Variants in LINGO2 observed in about 807,000 individuals in gnomAD.
The protein encoded by LINGO2 is leucine-rich repeat and immunoglobulin-like domain-containing nogo receptor-interacting protein 2.
A neutral mutation model predicts 30.6 loss-of-function variants in LINGO2; 14 were observed. The ratio of observed to expected loss-of-function variants is 0.46; its 90% CI spans 0.30 to 0.72. The LOEUF (loss-of-function observed/expected upper bound fraction) is 0.72. LINGO2 is among the 30% of genes least tolerant of loss of function. The probability of loss-of-function intolerance (pLI) is 0.07; values close to 1 mark genes in which losing one functional copy is unlikely to be tolerated. For synonymous variants in LINGO2, 317 were observed against 288.5 expected, an observed-to-expected ratio of 1.10 and a Z score of -1.00; for missense variants, 729 against 751.7, an observed-to-expected ratio of 0.97 and a Z score of 0.35.
At chr9:28,303,465 C>G (rs931179759) in intron 3 of LINGO2, among the ~76,000 whole-genome samples, 1 of 152,004 alleles carries the variant, frequency 6.6e-6, no homozygotes, top group African/African-American at 2.4e-5. Context: ...AAATTGACCC[C>G]TGAACAACAT....
chr9:28,163,115 GA>G (rs1344698890), intron 4 of LINGO2, among the ~76,000 whole-genome samples: 4 of 152,102 alleles, frequency 2.6e-5, no homozygotes, highest in Non-Finnish European at 4.4e-5. Flanking sequence ...TTGTGTTTTG[GA>G]AAACAACTCC....
chr9:28,072,987 C>T (rs1000257012), intron 4 of LINGO2, among the ~76,000 whole-genome samples: 3 of 152,004 alleles, frequency 2.0e-5, no homozygotes, highest in African/African-American at 4.8e-5. Flanking sequence ...TCCGCTTAAG[C>T]TCCCTTGGTC....
chr9:28,710,846 T>C, the LINGO2 span, among the ~76,000 whole-genome samples: 1 of 152,140 alleles, frequency 6.6e-6, no homozygotes, highest in Non-Finnish European at 1.5e-5. Context: ...TTTTACTCAA[T>C]ACTGTGAATA....
intron 5 of LINGO2, among the ~76,000 whole-genome samples, chr9:27,979,366 T>A (rs1222291975): frequency 6.6e-6 from 1 of 151,914 alleles, no homozygotes; most frequent in Non-Finnish European, 1.5e-5. Flanking sequence ...GGAAGAAAAT[T>A]CAGTTAAAAG....
At chr9:28,546,050 T>C (rs1212544251) in intron 1 of LINGO2, among the ~76,000 whole-genome samples, 1 of 152,064 alleles carries the variant, frequency 6.6e-6, no homozygotes, top group African/African-American at 2.4e-5. Flanking sequence ...GAAAGACAAA[T>C]ACTTCATGAT....
At chr9:28,270,533 T>A (rs1415567643) in intron 4 of LINGO2, among the ~76,000 whole-genome samples, 1 of 151,998 alleles carries the variant, frequency 6.6e-6, no homozygotes, top group Non-Finnish European at 1.5e-5. Flanking sequence ...AAAACCCACA[T>A]TTTCAAAATA....
At chr9:28,417,884 G>C (rs1823030305) in intron 2 of LINGO2, among the ~76,000 whole-genome samples, 1 of 152,152 alleles carries the variant, frequency 6.6e-6, no homozygotes. Context: ...CAAAAGGTAG[G>C]TTCTGAATGG....
chr9:29,175,744 C>A, the LINGO2 span, among the ~76,000 whole-genome samples: 1 of 151,978 alleles, frequency 6.6e-6, no homozygotes, highest in Non-Finnish European at 1.5e-5. Context: ...CCAGGATGGT[C>A]TCGATCTCCT....
the LINGO2 span, among the ~76,000 whole-genome samples, chr9:28,791,446 T>C: frequency 2.7e-4 from 41 of 152,102 alleles, no homozygotes; most frequent in Admixed American, 2.7e-3. Flanking sequence ...GGTCAAACAA[T>C]TAGTAAACGA....
At chr9:28,020,819 G>T (rs767972135) in intron 4 of LINGO2, among the ~76,000 whole-genome samples, 3 of 152,124 alleles carry the variant, frequency 2.0e-5, no homozygotes, top group Admixed American at 1.3e-4. Flanking sequence ...CAAAATTGCA[G>T]GAATAGTTGC....
intron 4 of LINGO2, among the ~76,000 whole-genome samples, chr9:28,189,273 AAGGGAGGG>A (rs1412279132): frequency 1.5e-4 from 7 of 46,670 alleles, no homozygotes; most frequent in Admixed American, 5.1e-4. Context: ...GGGAGGGAGG[AAGGGAGGG>A]AGGGAGGGAG....
chr9:28,927,485 G>A, the LINGO2 span, among the ~76,000 whole-genome samples: 40 of 152,274 alleles, frequency 2.6e-4, no homozygotes, highest in Non-Finnish European at 4.1e-4. Flanking sequence ...AAAAGAGAAG[G>A]ATTTAAATAA....
chr9:28,006,055 G>T (rs2119194461), intron 5 of LINGO2, among the ~76,000 whole-genome samples: 1 of 152,122 alleles, frequency 6.6e-6, no homozygotes, highest in East Asian at 1.9e-4. Flanking sequence ...GAATGATAAG[G>T]TCTAGGCCTA....
the LINGO2 span, among the ~76,000 whole-genome samples, chr9:28,780,215 G>A: frequency 1.3e-5 from 2 of 152,132 alleles, no homozygotes; most frequent in Non-Finnish European, 2.9e-5. Flanking sequence ...CAAGAAACTT[G>A]GTAGCTTCCC....
chr9:28,189,008 A>G (rs1308080461), intron 4 of LINGO2, among the ~76,000 whole-genome samples: 1 of 152,124 alleles, frequency 6.6e-6, no homozygotes, highest in Non-Finnish European at 1.5e-5. Flanking sequence ...CTAAAAGTTT[A>G]CATCAATTAA....
At chr9:28,824,023 A>C in the LINGO2 span, among the ~76,000 whole-genome samples, 1 of 152,240 alleles carries the variant, frequency 6.6e-6, no homozygotes, top group Non-Finnish European at 1.5e-5. Flanking sequence ...AGTTGGTATC[A>C]CATGGAACAG....
intron 5 of LINGO2, among the ~76,000 whole-genome samples, chr9:27,989,703 G>A (rs139587739): frequency 7.7e-4 from 117 of 152,064 alleles, no homozygotes; most frequent in African/African-American, 2.4e-3. Context: ...GTTAAACACC[G>A]TGCTACACAC....
chr9:29,152,295 C>T, the LINGO2 span, among the ~76,000 whole-genome samples: 126 of 152,260 alleles, frequency 8.3e-4, no homozygotes, highest in Non-Finnish European at 1.2e-3. Context: ...ATCAACCCAA[C>T]ATTCTCATTA....
intron 1 of LINGO2, among the ~76,000 whole-genome samples, chr9:28,574,827 C>T (rs16923873): frequency 0.13 from 20,427 of 152,092 alleles, 2,049 homozygotes; most frequent in African/African-American, 0.28. Context: ...GCAATTCACT[C>T]AACATTCTGG....
Sources: gnomAD v4.1 joint callset for allele counts (sites outside exome capture counted in the v4.1 genomes callset) on GRCh38, gnomAD v4.1.1 for gene constraint, MANE v1.5 for transcripts, NCBI Gene and HGNC (gene_info 2026-07-23, HGNC 2026-07-21) for gene names.